PSME4: variants seen among roughly 807,000 people sequenced by gnomAD.
The protein encoded by PSME4 is proteasome activator subunit 4.
Under a neutral mutation model 253.9 loss-of-function variants are expected in PSME4, and 89 were observed. That is an observed-to-expected ratio of 0.35 (90% CI 0.30 to 0.42). The LOEUF (loss-of-function observed/expected upper bound fraction) is 0.42, where lower values mean the gene tolerates loss of function less well. Among genes scored for constraint, PSME4 ranks in the 10% least tolerant of loss-of-function variants. The probability of loss-of-function intolerance (pLI) is 1.00; values close to 1 mark genes in which losing one functional copy is unlikely to be tolerated. For missense variants in PSME4, 2,014 were observed against 2,195.2 expected (o/e 0.92, Z 1.65); for synonymous variants, 851 against 759.2 (o/e 1.12, Z -1.99).
At chr2:53,965,200 C>A (rs1244122695) in intron 1 of PSME4, among the ~76,000 whole-genome samples, 1 of 151,950 alleles carries the variant, frequency 6.6e-6, no homozygotes, top group African/African-American at 2.4e-5. Flanking sequence ...TTCCTCCAGA[C>A]CAGTTTACCA....
intron 10 of PSME4, 68 bp from the exon 11 acceptor site, chr2:53,928,371 T>C: frequency 1.6e-6 from 2 of 1,221,924 alleles, no homozygotes; most frequent in Non-Finnish European, 2.3e-6. Context: ...ATACATTAAA[T>C]ATAATAAATT....
chr2:53,892,623 G>C (rs1171239684), intron 36 of PSME4, among the ~76,000 whole-genome samples, 185 bp downstream of exon 36: 1 of 152,002 alleles, frequency 6.6e-6, no homozygotes, highest in Non-Finnish European at 1.5e-5. Context: ...TTTAAAGATA[G>C]TAAATGTTCC....
chr2:53,950,262 C>T (rs1170237906), intron 1 of PSME4, among the ~76,000 whole-genome samples: 1 of 148,906 alleles, frequency 6.7e-6, no homozygotes, highest in Non-Finnish European at 1.5e-5. Context: ...CTAGCCTAGG[C>T]GACAGAGTGA....
intron 12 of PSME4, 24 bp downstream of exon 12, chr2:53,927,370 T>A: frequency 1.4e-6 from 2 of 1,478,248 alleles, no homozygotes; most frequent in Non-Finnish European, 1.9e-6. Flanking sequence ...TCTTAGCCCT[T>A]TTATAACCAT....
At chr2:53,902,003 G>A (rs1469487184) in intron 27 of PSME4, among the ~76,000 whole-genome samples, 2 of 152,146 alleles carry the variant, frequency 1.3e-5, no homozygotes, top group Non-Finnish European at 2.9e-5. Flanking sequence ...AGAGGTTGAG[G>A]CTACAATGAG....
intron 3 of PSME4, among the ~76,000 whole-genome samples, chr2:53,945,728 C>T (rs1191852163): frequency 6.6e-6 from 1 of 152,114 alleles, no homozygotes; most frequent in African/African-American, 2.4e-5. Flanking sequence ...ACAAATTAAG[C>T]AATCTTTCAC....
chr2:53,895,785 C>A (rs755093549), intron 32 of PSME4, 49 bp from the exon 33 acceptor site: 3 of 1,468,764 alleles, frequency 2.0e-6, no homozygotes, highest in Admixed American at 2.3e-5. Flanking sequence ...ATTCGCCCAA[C>A]AATTATTACC....
At chr2:53,891,919 G>GAAA (rs1679926773) in intron 36 of PSME4, among the ~76,000 whole-genome samples, 1 of 151,582 alleles carries the variant, frequency 6.6e-6, no homozygotes, top group South Asian at 2.1e-4. Context: ...ATGGACAGAC[G>GAAA]GAAGGACAGA....
intron 20 of PSME4, among the ~76,000 whole-genome samples, chr2:53,913,098 T>C (rs1337356268): frequency 6.6e-6 from 1 of 152,200 alleles, no homozygotes; most frequent in East Asian, 1.9e-4. Flanking sequence ...TCATTTAACC[T>C]AAGGAACAAT....
chr2:53,928,213 T>G lies in PSME4; in HGVS notation c.1407A>C (p.Ser469=), dbSNP rs756628836. The change falls in exon 11 of 47, where the codon TCA becomes TCC. Residue 469 remains serine (S), a synonymous_variant. Transcript: ENST00000404125. ...GACCTTCAGGAAACCATCTGCCTCC[T>G]GATACCAAACTGCGGGCTACTCCAA... ...CVIGVARSLV[S]GGRWFPEGPT... 4 of 1,614,058 alleles carry G rather than the reference T, an allele frequency of 2.5e-6. No individual in the cohort carries two copies. The East Asian group carries it at 6.7e-5, about 27-fold the overall frequency.
chr2:53,952,244 G>A (rs953486464), intron 1 of PSME4, among the ~76,000 whole-genome samples: 16 of 152,118 alleles, frequency 1.1e-4, no homozygotes, highest in African/African-American at 3.9e-4. Context: ...GAGACCACCA[G>A]CCTGGCCAAT....
intron 27 of PSME4, 97 bp from the exon 28 acceptor site, chr2:53,901,656 G>T: frequency 1.1e-6 from 1 of 920,504 alleles, no homozygotes; most frequent in Non-Finnish European, 1.6e-6. Context: ...AATGAGTATT[G>T]ATTACTTAAA....
chr2:53,935,207 T>C (rs1179806845), intron 7 of PSME4, among the ~76,000 whole-genome samples: 3 of 152,210 alleles, frequency 2.0e-5, no homozygotes, highest in Non-Finnish European at 2.9e-5. Context: ...CCCTAAGAAT[T>C]TGTATTTTAG....
chr2:53,876,265 C>G (rs925808750), intron 41 of PSME4, among the ~76,000 whole-genome samples: 1 of 152,088 alleles, frequency 6.6e-6, no homozygotes, highest in Non-Finnish European at 1.5e-5. Flanking sequence ...TATTCCCCCC[C>G]GCAACTATCT....
intron 12 of PSME4, 44 bp from the exon 13 acceptor site, chr2:53,926,067 T>G: frequency 6.6e-7 from 1 of 1,519,360 alleles, no homozygotes; most frequent in Non-Finnish European, 9.1e-7. Context: ...TAGCCTTTGT[T>G]TTTTTTTCCT....
chr2:53,915,953 C>T (rs998278754), intron 20 of PSME4, among the ~76,000 whole-genome samples: 1 of 151,900 alleles, frequency 6.6e-6, no homozygotes. Flanking sequence ...CACACGCCTG[C>T]AATACTGGCT....
chr2:53,950,529 T>C (rs778791276), intron 1 of PSME4, among the ~76,000 whole-genome samples: 3 of 152,150 alleles, frequency 2.0e-5, no homozygotes, highest in Non-Finnish European at 4.4e-5. Context: ...AGCATTAACT[T>C]TAAGCAAATT....
rs1668765770 is a variant in PSME4 at position 53,930,326 on chromosome 2, A to G, written c.1316+1509T>C. Reference sequence around the variant, plus strand: ...GCTGAAAATAACAAAGCAAAGGGGAACTAAAGAAACATCAAAAACACTCCA... The same window carrying G: ...GCTGAAAATAACAAAGCAAAGGGGAGCTAAAGAAACATCAAAAACACTCCA... On this transcript the variant is annotated intron_variant, in intron 10 of 46. Coordinates refer to ENST00000404125, the MANE Select transcript of PSME4 (RefSeq NM_014614.3). Among the ~76,000 whole-genome samples the G allele has an allele frequency of 5.3e-5, 8 of 152,310 alleles. No individual in the cohort carries two copies. The South Asian group carries it at 1.7e-3, about 32-fold the overall frequency.
chr2:53,890,689 C>CA (rs1382587118), intron 36 of PSME4, among the ~76,000 whole-genome samples: 1 of 151,986 alleles, frequency 6.6e-6, no homozygotes, highest in African/African-American at 2.4e-5. Flanking sequence ...AATTTTTTCC[C>CA]AAAAAATATT....
Sources: allele counts gnomAD v4.1 joint callset (sites outside exome capture counted in the v4.1 genomes callset), GRCh38; gene constraint gnomAD v4.1.1; transcripts MANE v1.5; gene names NCBI Gene and HGNC (gene_info 2026-07-23, HGNC 2026-07-21).